The following FRMD4B variants were observed in gnomAD, a reference collection of about 807,000 sequenced individuals.
FRMD4B encodes FERM domain-containing protein 4B.
In FRMD4B, 74 loss-of-function variants were observed where a neutral mutation model predicts 141.5. The observed-to-expected ratio is 0.52, with a 90% confidence interval of 0.43 to 0.63. The LOEUF (loss-of-function observed/expected upper bound fraction) is 0.63. Ranked by LOEUF, FRMD4B falls within the 30% of genes least tolerant of loss-of-function variation. The pLI is 0.00. For missense variants in FRMD4B, 1,366 were observed against 1,253.4 expected (o/e 1.09, Z -1.36); for synonymous variants, 506 against 467.9 (o/e 1.08, Z -1.05).
intron 5 of FRMD4B, among the ~76,000 whole-genome samples, chr3:69,283,448 A>T (rs1056451196): frequency 6.6e-6 from 1 of 151,012 alleles, no homozygotes; most frequent in Non-Finnish European, 1.5e-5. Flanking sequence ...AAAAAAAAGA[A>T]AGAAAGGTGC....
Position 69,205,443 on chromosome 3 carries a change from A to C in FRMD4B, c.877-6669T>G, listed in dbSNP as rs539317724. ...AGGCTGGTCTTGAACTCCTGGGCTCAAGGAATCCTTCCGCCTTGGCTTCCT... is the reference window on the plus strand; with the variant it reads ...AGGCTGGTCTTGAACTCCTGGGCTCCAGGAATCCTTCCGCCTTGGCTTCCT... On this transcript the variant is annotated intron_variant, in intron 11 of 22. Coordinates refer to ENST00000398540, the MANE Select transcript of FRMD4B (RefSeq NM_015123.3). Among the ~76,000 whole-genome samples, 8 of 152,212 alleles carry C rather than the reference A, an allele frequency of 5.3e-5. No individual in the cohort carries two copies. The South Asian group carries it at 1.7e-3, about 32-fold the overall frequency.
intron 5 of FRMD4B, among the ~76,000 whole-genome samples, chr3:69,263,842 T>G (rs2093543982): frequency 8.6e-6 from 1 of 116,390 alleles, no homozygotes; most frequent in African/African-American, 3.4e-5. Context: ...TTTTTTTTTT[T>G]GAGACAGAGT....
intron 1 of FRMD4B, among the ~76,000 whole-genome samples, chr3:69,325,533 TGA>T (rs757667385): frequency 5.3e-5 from 8 of 152,340 alleles, no homozygotes; most frequent in Admixed American, 1.3e-4. Context: ...CTAGTGTCAA[TGA>T]GAAGCACACA....
chr3:69,176,565 G>C lies in FRMD4B; in HGVS notation c.2943C>G (p.Ser981Arg). Residue 981 changes from serine (S) to arginine (R), a missense_variant, in exon 22 of 23, where the codon AGC (serine) becomes AGG (arginine). Ser to Arg is a moderately radical substitution (Grantham distance 110). Transcript: ENST00000398540. ...YETPAHSSYTSCYGNVYNPLP... is the reference protein window; with the variant it reads ...YETPAHSSYTRCYGNVYNPLP... The stretch of plus-strand genomic sequence containing the variant: ...AAGGATTATAGACATTGCCATAGCA[G>C]CTGGTGTAAGAAGAATGTGCTGGAG... The C allele has an allele frequency of 6.2e-7, 1 of 1,611,552 alleles. No homozygotes were observed. The highest frequency in any genetic ancestry group is 1.3e-5 in the African/African-American group (1 of 74,986).
intron 2 of FRMD4B, among the ~76,000 whole-genome samples, chr3:69,393,688 A>C (rs1704427842): frequency 6.6e-6 from 1 of 152,336 alleles, no homozygotes; most frequent in Admixed American, 6.5e-5. Context: ...TATTAAGTCT[A>C]CTTAACCTAC....
chr3:69,440,423 T>C (rs1575803238), intron 1 of FRMD4B, among the ~76,000 whole-genome samples: 1 of 152,378 alleles, frequency 6.6e-6, no homozygotes, highest in East Asian at 1.9e-4. Flanking sequence ...TCAATTACCC[T>C]TCACCAGTAA....
At chr3:69,472,220 G>A (rs1705904847) in intron 1 of FRMD4B, 1 of 302,132 alleles carries the variant, frequency 3.3e-6, no homozygotes, top group Non-Finnish European at 6.8e-6. Context: ...AAGATCTTGT[G>A]ACTAAAATGA....
intron 20 of FRMD4B, 148 bp downstream of exon 20, chr3:69,182,450 A>T: frequency 1.5e-6 from 1 of 672,082 alleles, no homozygotes; most frequent in African/African-American, 1.8e-5. Context: ...ACATATTTGA[A>T]ACCATAAGTT....
chr3:69,443,672 C>T (rs1705370975), intron 1 of FRMD4B, among the ~76,000 whole-genome samples: 1 of 152,230 alleles, frequency 6.6e-6, no homozygotes, highest in African/African-American at 2.4e-5. Context: ...CATCTTGCTT[C>T]CAGCAACACA....
At chr3:69,191,352 G>T (rs957965861) in intron 17 of FRMD4B, among the ~76,000 whole-genome samples, 1 of 152,178 alleles carries the variant, frequency 6.6e-6, no homozygotes, top group East Asian at 1.9e-4. Context: ...CCTGGGAGGC[G>T]GAGGTTGCAG....
At chr3:69,326,027 T>C (rs1233585316) in intron 1 of FRMD4B, among the ~76,000 whole-genome samples, 3 of 152,094 alleles carry the variant, frequency 2.0e-5, no homozygotes. Context: ...TAGCTCACTG[T>C]AGCTTCAGCC....
intron 11 of FRMD4B, among the ~76,000 whole-genome samples, chr3:69,210,056 T>C (rs1253394069): frequency 6.6e-6 from 1 of 152,114 alleles, no homozygotes; most frequent in East Asian, 1.9e-4. Flanking sequence ...GCTTTAGGGA[T>C]TTGGGAATTC....
At chr3:69,389,047 T>A (rs932967597), upstream of FRMD4B, among the ~76,000 whole-genome samples, 2 of 150,646 alleles carry the variant, frequency 1.3e-5, no homozygotes, top group African/African-American at 4.9e-5. Flanking sequence ...TTTTTTTTTT[T>A]TTTTGAAACG....
At chr3:69,268,025 C>A (rs2093576215) in intron 5 of FRMD4B, among the ~76,000 whole-genome samples, 1 of 151,864 alleles carries the variant, frequency 6.6e-6, no homozygotes, top group Non-Finnish European at 1.5e-5. Context: ...CAAAACATAT[C>A]ATCAGGACTA....
intron 7 of FRMD4B, chr3:69,228,255 A>G: frequency 2.2e-6 from 1 of 449,724 alleles, no homozygotes; most frequent in Non-Finnish European, 4.5e-6. Flanking sequence ...TGAAAATTCT[A>G]CACTAATACT....
At position 69,371,004 on chromosome 3, in the gene FRMD4B, C is replaced by T. The variant is rs148588556; in HGVS notation, c.162+14824G>A. ...CCTGCATGCCTTCAGCTATGAATAA[C>T]GTTCTGGCAGGGGAAATGAGCATAT... On this transcript the variant is annotated intron_variant, in intron 1 of 22. Coordinates refer to ENST00000398540, the MANE Select transcript of FRMD4B (RefSeq NM_015123.3). Among the ~76,000 whole-genome samples the T allele has an allele frequency of 2.2e-3, 339 of 152,294 alleles. 4 individuals carry two copies. The highest frequency in any genetic ancestry group is 7.6e-3 in the African/African-American group (314 of 41,552).
chr3:69,195,356 C>A lies in FRMD4B; in HGVS notation c.1243G>T (p.Asp415Tyr), dbSNP rs1454509059. ...TTTTGCTCTTCACTAACTTCTGAGT[C>A]TTGAGAACCTAGGGGATGAGGGAAG... ...NGSLISSGSQDSEVSEEQKRE... is the reference protein window; with the variant it reads ...NGSLISSGSQYSEVSEEQKRE... The change falls in exon 15 of 23, where the codon GAC (aspartate) becomes TAC (tyrosine). Residue 415 changes from aspartate (D) to tyrosine (Y), a missense_variant. Coordinates refer to ENST00000398540, the MANE Select transcript of FRMD4B (RefSeq NM_015123.3). 3.1e-6 allele frequency: 5 copies of A among 1,610,458 alleles called. No homozygotes were observed. Among genetic ancestry groups the A allele is most frequent in the Non-Finnish European group, 4.2e-6 (5 of 1,178,814 alleles).
chr3:69,265,261 A>T (rs1442893904), intron 5 of FRMD4B, among the ~76,000 whole-genome samples: 8 of 24,274 alleles, frequency 3.3e-4, no homozygotes, highest in Admixed American at 4.7e-4. Context: ...TCTCAAAAAA[A>T]AAAAAAAAAT....
intron 2 of FRMD4B, among the ~76,000 whole-genome samples, chr3:69,415,117 G>A (rs1346393837): frequency 6.6e-6 from 1 of 152,076 alleles, no homozygotes; most frequent in African/African-American, 2.4e-5. Context: ...ACCCGCCTTG[G>A]CCTCCCAAAG....
Sources: gnomAD v4.1 joint callset for allele counts (sites outside exome capture counted in the v4.1 genomes callset) on GRCh38, gnomAD v4.1.1 for gene constraint, MANE v1.5 for transcripts, NCBI Gene and HGNC (gene_info 2026-07-23, HGNC 2026-07-21) for gene names.